Variants in RBFOX1 observed in about 807,000 individuals in gnomAD.
The protein encoded by RBFOX1 is RNA binding protein fox-1 homolog 1.
A neutral mutation model predicts 57.7 loss-of-function variants in RBFOX1; 8 were observed. The observed-to-expected ratio is 0.14, with a 90% CI of 0.08 to 0.25. The LOEUF (loss-of-function observed/expected upper bound fraction) is 0.25, where lower values mean the gene tolerates loss of function less well. Among genes scored for constraint, RBFOX1 ranks in the 10% least tolerant of loss-of-function variants. The pLI is 1.00. For missense variants in RBFOX1, 611 were observed against 548.5 expected (o/e 1.11, Z -1.14); for synonymous variants, 326 against 222.4 (o/e 1.47, Z -4.15).
chr16:7,579,642 A>C (rs890912912), intron 5 of RBFOX1, 135 bp from the exon 6 acceptor site: 7 of 1,042,118 alleles, frequency 6.7e-6, no homozygotes, highest in African/African-American at 4.8e-5. Context: ...GCATGCATGC[A>C]TGCGTCAGCA....
At chr16:5,288,586 C>A (rs1377873193) in intron 1 of RBFOX1, among the ~76,000 whole-genome samples, 2 of 151,480 alleles carry the variant, frequency 1.3e-5, no homozygotes, top group South Asian at 2.1e-4. Flanking sequence ...CCTTGTAATC[C>A]CTGGTATTGG....
intron 3 of RBFOX1, among the ~76,000 whole-genome samples, chr16:5,705,239 T>C (rs137928885): frequency 6.6e-6 from 1 of 152,160 alleles, no homozygotes; most frequent in Non-Finnish European, 1.5e-5. Flanking sequence ...ACCATCCATG[T>C]GCTAATGGAT....
chr16:6,690,563 A>AAAC (rs1555695808), intron 3 of RBFOX1, among the ~76,000 whole-genome samples: 2 of 5,494 alleles, frequency 3.6e-4, no homozygotes, highest in Admixed American at 9.7e-3. Flanking sequence ...TTTCAAAACT[A>AAAC]TACTGAGATG....
intron 3 of RBFOX1, among the ~76,000 whole-genome samples, chr16:6,981,034 C>G (rs1351337027): frequency 2.1e-4 from 8 of 38,162 alleles, no homozygotes; most frequent in Admixed American, 7.5e-4. Flanking sequence ...CAGAGCAAGT[C>G]TCAGTCTCAA....
At chr16:5,948,822 G>C (rs756255458) in intron 4 of RBFOX1, among the ~76,000 whole-genome samples, 8 of 152,084 alleles carry the variant, frequency 5.3e-5, no homozygotes, top group Non-Finnish European at 1.0e-4. Context: ...ACTTTCTTAC[G>C]GCATCCCTGG....
chr16:6,526,776 G>C (rs2096583743), intron 2 of RBFOX1, among the ~76,000 whole-genome samples: 1 of 134,582 alleles, frequency 7.4e-6, no homozygotes, highest in South Asian at 2.4e-4. Flanking sequence ...CTTGCAGCGA[G>C]CCGAGATTGC....
chr16:7,614,254 T>C (rs759635782), intron 10 of RBFOX1: 7 of 152,196 alleles, frequency 4.6e-5, no homozygotes, highest in Admixed American at 6.5e-5. Context: ...CAAAGGATTT[T>C]CAGCCTGGAA....
At chr16:5,801,684 A>G (rs1024826025) in intron 3 of RBFOX1, among the ~76,000 whole-genome samples, 1 of 152,198 alleles carries the variant, frequency 6.6e-6, no homozygotes, top group African/African-American at 2.4e-5. Flanking sequence ...GCAAGATGTA[A>G]TGGCAGGCAC....
chr16:5,984,978 T>A (rs8051209), intron 4 of RBFOX1, among the ~76,000 whole-genome samples: 1,286 of 50,902 alleles, frequency 0.025, 2 homozygotes, highest in Non-Finnish European at 0.035. Flanking sequence ...ATATATATAT[T>A]TTTTTTTTTT....
At chr16:7,095,566 A>G (rs4786964) in intron 4 of RBFOX1, among the ~76,000 whole-genome samples, 39,418 of 152,036 alleles carry the variant, frequency 0.26, 5,204 homozygotes, top group East Asian at 0.33. Context: ...TTACATTGTG[A>G]GCCCTTTCAC....
At chr16:6,816,749 A>AG (rs1369887971) in intron 3 of RBFOX1, among the ~76,000 whole-genome samples, 1 of 151,582 alleles carries the variant, frequency 6.6e-6, no homozygotes, top group African/African-American at 2.4e-5. Flanking sequence ...AAAAAAAAAA[A>AG]AAAAGGAAGA....
chr16:6,287,089 G>A (rs2076977650), intron 1 of RBFOX1, among the ~76,000 whole-genome samples: 1 of 152,070 alleles, frequency 6.6e-6, no homozygotes, highest in Non-Finnish European at 1.5e-5. Flanking sequence ...ATAGTTCATG[G>A]CAAACCAAAG....
chr16:7,575,547 AG>A (rs2093253457), intron 5 of RBFOX1, among the ~76,000 whole-genome samples: 1 of 152,180 alleles, frequency 6.6e-6, no homozygotes, highest in Admixed American at 6.5e-5. Context: ...ACCCAAGCCA[AG>A]GAACACCTGC....
chr16:6,905,409 T>G (rs1228014535), intron 3 of RBFOX1, among the ~76,000 whole-genome samples: 1 of 151,926 alleles, frequency 6.6e-6, no homozygotes, highest in Non-Finnish European at 1.5e-5. Flanking sequence ...AAAAATTAAC[T>G]GAGCATGGTG....
chr16:5,451,182 C>A (rs142060316), intron 1 of RBFOX1, among the ~76,000 whole-genome samples: 1 of 152,302 alleles, frequency 6.6e-6, no homozygotes, highest in East Asian at 1.9e-4. Context: ...GCTCTTCTTC[C>A]TCTGCTCTGA....
intron 2 of RBFOX1, among the ~76,000 whole-genome samples, chr16:5,550,501 C>A (rs1326404748): frequency 6.6e-6 from 1 of 152,088 alleles, no homozygotes; most frequent in Non-Finnish European, 1.5e-5. Context: ...CTCCCTTGAC[C>A]CAGAACTGAG....
chr16:6,843,443 C>A (rs1037136835), intron 3 of RBFOX1, among the ~76,000 whole-genome samples: 7 of 152,122 alleles, frequency 4.6e-5, no homozygotes, highest in Non-Finnish European at 8.8e-5. Context: ...AATCCCAGTA[C>A]TTTGGGAGGC....
At chr16:6,217,015 G>C (rs902810994) in intron 1 of RBFOX1, among the ~76,000 whole-genome samples, 45 of 152,058 alleles carry the variant, frequency 3.0e-4, no homozygotes, top group Admixed American at 2.9e-3. Flanking sequence ...GGCAGTTCAA[G>C]TTCAAAAGAA....
chr16:7,663,834 G>C (rs151101111), intron 12 of RBFOX1, among the ~76,000 whole-genome samples: 2 of 152,276 alleles, frequency 1.3e-5, no homozygotes, highest in African/African-American at 4.8e-5. Context: ...TATGATTCTC[G>C]TTAAACTCGT....
Sources: allele counts gnomAD v4.1 joint callset (sites outside exome capture counted in the v4.1 genomes callset), GRCh38; gene constraint gnomAD v4.1.1; transcripts MANE v1.5; gene names NCBI Gene and HGNC (gene_info 2026-07-23, HGNC 2026-07-21).